The following FIP1L1 variants were observed in gnomAD, a reference collection of about 807,000 sequenced individuals.
FIP1L1 encodes the protein pre-mRNA 3'-end-processing factor FIP1.
Under a neutral mutation model 84.6 loss-of-function variants are expected in FIP1L1, and 21 were observed. The observed-to-expected ratio is 0.25, with a 90% confidence interval of 0.18 to 0.36. FIP1L1 has a LOEUF of 0.36. Among genes scored for constraint, FIP1L1 ranks in the 10% least tolerant of loss-of-function variants. The pLI, the probability that FIP1L1 is intolerant of heterozygous loss-of-function variation, is 1.00. For missense variants in FIP1L1, 526 were observed against 751.1 expected, an observed-to-expected ratio of 0.70 and a Z score of 3.50; for synonymous variants, 263 against 242.3, an observed-to-expected ratio of 1.09 and a Z score of -0.80.
In FIP1L1 at chr4:53,377,691, C is replaced by A; in HGVS notation, c.-148C>A. On this transcript the variant is annotated 5_prime_UTR_variant, in exon 1 of 18. Coordinates refer to ENST00000337488, the MANE Select transcript of FIP1L1 (RefSeq NM_030917.4). ...GGAGGCTTCATCTTTGCCGCCGCTG[C>A]CGTCGCCTTCCTGGGATTGGAGTCT... The A allele has an allele frequency of 1.5e-6, 1 of 667,332 alleles. No individual in the cohort carries two copies. The highest frequency in any genetic ancestry group is 2.4e-6 in the Non-Finnish European group (1 of 418,642). 41.3% of individuals were successfully genotyped at this position (667,332 alleles called of 1,614,324 possible).
At chr4:53,378,095 G>T in intron 1 of FIP1L1, 172 bp downstream of exon 1, 1 of 542,350 alleles carries the variant, frequency 1.8e-6, no homozygotes, top group Non-Finnish European at 3.1e-6. Flanking sequence ...TCCCCGCGGC[G>T]GTCTCCCGCC....
At chr4:53,419,431 T>C (rs1761185293) in intron 11 of FIP1L1, among the ~76,000 whole-genome samples, 1 of 152,050 alleles carries the variant, frequency 6.6e-6, no homozygotes, top group Admixed American at 6.5e-5. Context: ...TGAAACTAAT[T>C]GGATATGTAC....
At chr4:53,422,962 C>T (rs375590900) in intron 11 of FIP1L1, among the ~76,000 whole-genome samples, 3 of 152,108 alleles carry the variant, frequency 2.0e-5, no homozygotes, top group South Asian at 2.1e-4. Flanking sequence ...GTAATCCTCC[C>T]GCCTCAGGCT....
At chr4:53,407,738 G>T (rs554709479) in intron 10 of FIP1L1, among the ~76,000 whole-genome samples, 2 of 152,052 alleles carry the variant, frequency 1.3e-5, no homozygotes, top group African/African-American at 4.8e-5. Flanking sequence ...GATCCCTTTA[G>T]CATTATGTAA....
intron 1 of FIP1L1, chr4:53,378,547 A>G (rs1247140894): frequency 6.6e-6 from 1 of 152,662 alleles, no homozygotes; most frequent in Non-Finnish European, 1.5e-5. Flanking sequence ...ATTCTTTTTT[A>G]AGAGACTACC....
chr4:53,413,902 G>C (rs1758297490), intron 10 of FIP1L1, among the ~76,000 whole-genome samples: 1 of 152,020 alleles, frequency 6.6e-6, no homozygotes. Flanking sequence ...TTTCATTCCT[G>C]TCAGAACAGA....
intron 10 of FIP1L1, among the ~76,000 whole-genome samples, chr4:53,404,117 G>A (rs1293878811): frequency 4.7e-5 from 7 of 150,388 alleles, no homozygotes; most frequent in Non-Finnish European, 7.4e-5. Context: ...CCACTAACTC[G>A]TCATTTAGAA....
At chr4:53,406,174 A>AT (rs1753325520) in intron 10 of FIP1L1, among the ~76,000 whole-genome samples, 2 of 152,070 alleles carry the variant, frequency 1.3e-5, no homozygotes, top group Admixed American at 1.3e-4. Flanking sequence ...TTATTTTGAG[A>AT]TACGTCCTAT....
At chr4:53,420,296 G>C (rs1366146972) in intron 11 of FIP1L1, among the ~76,000 whole-genome samples, 1 of 150,704 alleles carries the variant, frequency 6.6e-6, no homozygotes, top group Non-Finnish European at 1.5e-5. Context: ...GCTGGGCGTG[G>C]TAGCATGCGT....
At chr4:53,409,922 T>C (rs1445784108) in intron 10 of FIP1L1, among the ~76,000 whole-genome samples, 5 of 152,236 alleles carry the variant, frequency 3.3e-5, no homozygotes, top group Non-Finnish European at 7.3e-5. Context: ...GAAAGGGAAC[T>C]CCCTGACCCC....
intron 16 of FIP1L1, among the ~76,000 whole-genome samples, chr4:53,454,225 C>A (rs1353607360): frequency 6.6e-6 from 1 of 152,142 alleles, no homozygotes; most frequent in Non-Finnish European, 1.5e-5. Context: ...TACACAAACA[C>A]CATTGTGTTA....
intron 1 of FIP1L1, chr4:53,378,761 C>T: frequency 3.3e-6 from 1 of 301,686 alleles, no homozygotes; most frequent in Non-Finnish European, 6.1e-6. Flanking sequence ...ATGTTTGTTC[C>T]TTGCCTAAAA....
chr4:53,393,764 G>GCCCCCCCCCC (rs35029503), intron 9 of FIP1L1, among the ~76,000 whole-genome samples: 7 of 87,950 alleles, frequency 8.0e-5, no homozygotes, highest in Non-Finnish European at 1.6e-4. Context: ...TTTCCCCCCG[G>GCCCCCCCCCC]CCCCCCCCCC....
rs769020471 is a variant in FIP1L1, at chr4:53,389,274, A to C, written c.333-535A>C. Among the ~76,000 whole-genome samples, 12 of 152,338 alleles carry C rather than the reference A, an allele frequency of 7.9e-5. No individual in the cohort carries two copies. The East Asian group carries it at 9.6e-4, about 12-fold the overall frequency. ...AACTGAAAGGCCACTAGATTTGACA[A>C]CAAGTTGGAGGAATTTTACTTATGC... On this transcript the variant is annotated intron_variant, in intron 5 of 17. Coordinates refer to ENST00000337488, the MANE Select transcript of FIP1L1 (RefSeq NM_030917.4).
chr4:53,460,820 A>T lies in FIP1L1; in HGVS notation c.*1371A>T. 1 of 1,269,632 alleles carries T rather than the reference A, an allele frequency of 7.9e-7. No homozygotes were observed. The allele number at this position is 1,269,632 out of a possible 1,614,324, so 78.6% of individuals were successfully genotyped here. ...ATTTTTACAATGTATTCTTTCTTTA[A>T]ATATAAAAACTGACAAGATAAATAT... On this transcript the variant is annotated 3_prime_UTR_variant, in exon 18 of 18. Coordinates refer to ENST00000337488, the MANE Select transcript of FIP1L1 (RefSeq NM_030917.4).
At chr4:53,448,046 A>G (rs1028858047) in intron 15 of FIP1L1, among the ~76,000 whole-genome samples, 2 of 152,064 alleles carry the variant, frequency 1.3e-5, no homozygotes, top group Non-Finnish European at 1.5e-5. Context: ...AGTCTTACAC[A>G]TTTTAGTGGG....
At chr4:53,449,368 G>T (rs182248284) in intron 15 of FIP1L1, among the ~76,000 whole-genome samples, 155 of 152,114 alleles carry the variant, frequency 1.0e-3, no homozygotes, top group Non-Finnish European at 1.9e-3. Context: ...TTTCTGAGAT[G>T]ATCATAATTG....
intron 13 of FIP1L1, among the ~76,000 whole-genome samples, chr4:53,428,802 T>A (rs1015544955): frequency 1.1e-4 from 17 of 152,240 alleles, no homozygotes; most frequent in Non-Finnish European, 5.9e-5. Flanking sequence ...CCTTTCTTAC[T>A]TTGTTTTTAA....
At chr4:53,388,192 A>G (rs1168778866) in intron 5 of FIP1L1, among the ~76,000 whole-genome samples, 1 of 152,244 alleles carries the variant, frequency 6.6e-6, no homozygotes, top group Non-Finnish European at 1.5e-5. Context: ...CATCAGAGAC[A>G]AAAGATGGAA....
Sources: gnomAD v4.1 joint callset for allele counts (sites outside exome capture counted in the v4.1 genomes callset) on GRCh38, gnomAD v4.1.1 for gene constraint, MANE v1.5 for transcripts, NCBI Gene and HGNC (gene_info 2026-07-23, HGNC 2026-07-21) for gene names.